Variants in RINT1 observed in about 807,000 individuals in gnomAD.
RINT1 encodes RAD50-interacting protein 1.
RINT1 carries 75 observed loss-of-function variants against 97.7 expected under a neutral mutation model. The ratio of observed to expected loss-of-function variants is 0.77; its 90% confidence interval spans 0.64 to 0.93. The LOEUF (loss-of-function observed/expected upper bound fraction) is 0.93, where lower values mean the gene tolerates loss of function less well. Among genes scored for constraint, RINT1 ranks in the 40% least tolerant of loss-of-function variants. RINT1 has a pLI of 0.00. For synonymous variants in RINT1, 303 were observed against 326.3 expected (o/e 0.93, Z 0.77); for missense variants, 892 against 925.2 (o/e 0.96, Z 0.47).
intron 11 of RINT1, among the ~76,000 whole-genome samples, chr7:105,556,916 T>G (rs559839008): frequency 1.3e-5 from 2 of 152,188 alleles, no homozygotes; most frequent in African/African-American, 4.8e-5. Flanking sequence ...GTTTTAGATA[T>G]TAACATAATC....
chr7:105,549,679 A>T (rs1236419887), intron 7 of RINT1, among the ~76,000 whole-genome samples: 1 of 152,156 alleles, frequency 6.6e-6, no homozygotes, highest in Non-Finnish European at 1.5e-5. Context: ...ACTTTTTGAA[A>T]ATAAAAACCA....
At chr7:105,549,913 G>A (rs1284035643) in intron 7 of RINT1, 142 bp from the exon 8 acceptor site, 3 of 555,252 alleles carry the variant, frequency 5.4e-6, no homozygotes, top group Non-Finnish European at 9.5e-6. Flanking sequence ...TTAAAATTTG[G>A]AGTAGAAATT....
At chr7:105,545,316 G>C (rs1385066633) in intron 4 of RINT1, among the ~76,000 whole-genome samples, 1 of 151,396 alleles carries the variant, frequency 6.6e-6, no homozygotes, top group Non-Finnish European at 1.5e-5. Flanking sequence ...GCCAGGCTTG[G>C]TGGTGAGCAC....
chr7:105,532,360 G>A lies in RINT1; in HGVS notation c.42+3G>A. 1 of 1,601,594 alleles carries A rather than the reference G, an allele frequency of 6.2e-7. No individual in the cohort carries two copies. The highest frequency in any genetic ancestry group is 1.3e-5 in the African/African-American group (1 of 74,882). ...TCGGCGCCTCTCCTGCAGCCCCGGTGAGACGGCCCTGGCGTCCCTGGGAGG... is the reference window on the plus strand; with the variant it reads ...TCGGCGCCTCTCCTGCAGCCCCGGTAAGACGGCCCTGGCGTCCCTGGGAGG... On this transcript the variant is annotated splice_donor_region_variant and intron_variant, in intron 1 of 14. Transcript: ENST00000257700.
chr7:105,544,101 A>C (rs1343239341), intron 4 of RINT1, among the ~76,000 whole-genome samples: 1 of 140,998 alleles, frequency 7.1e-6, no homozygotes, highest in Admixed American at 7.2e-5. Context: ...ACTCCGTCTC[A>C]AAAAAAAAAC....
intron 3 of RINT1, among the ~76,000 whole-genome samples, chr7:105,540,349 G>A (rs1019513826): frequency 3.3e-5 from 5 of 151,944 alleles, no homozygotes; most frequent in South Asian, 2.1e-4. Context: ...TGTAACCTCC[G>A]CCTCCTGGTT....
chr7:105,564,896 G>C (rs866056488), intron 12 of RINT1, among the ~76,000 whole-genome samples: 34 of 151,998 alleles, frequency 2.2e-4, no homozygotes, highest in African/African-American at 7.7e-4. Context: ...CAGCTACTTG[G>C]GAGGCTGACA....
At chr7:105,537,376 T>G (rs62486989) in intron 3 of RINT1, among the ~76,000 whole-genome samples, 11,975 of 151,742 alleles carry the variant, frequency 0.079, 509 homozygotes, top group East Asian at 0.12. Flanking sequence ...GTGATCCACC[T>G]GCCTTGGCCT....
intron 11 of RINT1, 123 bp from the exon 12 acceptor site, chr7:105,563,610 G>A: frequency 1.3e-6 from 1 of 771,460 alleles, no homozygotes; most frequent in Non-Finnish European, 2.1e-6. Flanking sequence ...GGGATTACAG[G>A]CATGAGCCAC....
chr7:105,540,574 T>A (rs1310712584), intron 3 of RINT1, among the ~76,000 whole-genome samples: 1 of 152,108 alleles, frequency 6.6e-6, no homozygotes, highest in African/African-American at 2.4e-5. Context: ...ATTTTTGTAT[T>A]TTTAGTAGAG....
At position 105,565,372 on chromosome 7, in the gene RINT1, A is replaced by G. The variant is rs1791666979; in HGVS notation, c.1982A>G (p.Gln661Arg). ...CTGACGTTACGAGACCATTTACTTC[A>G]GTTGGAGCAGCAGCTTTGTTTCTCC... is the stretch of plus-strand genomic sequence containing the variant. ...LLLTLRDHLL[Q>R]LEQQLCFSLF... is the part of the protein sequence containing the mutation. Residue 661 changes from glutamine to arginine, a missense_variant, in exon 13 of 15, where the codon CAG becomes CGG. Transcript: ENST00000257700. 2 of 1,614,188 alleles carry G rather than the reference A, an allele frequency of 1.2e-6. No individual in the cohort carries two copies. The highest frequency in any genetic ancestry group is 1.7e-6 in the Non-Finnish European group (2 of 1,180,030).
At chr7:105,540,187 C>G (rs978329887) in intron 3 of RINT1, among the ~76,000 whole-genome samples, 8 of 150,354 alleles carry the variant, frequency 5.3e-5, no homozygotes, top group Non-Finnish European at 1.2e-4. Context: ...TCAAGTGATT[C>G]TCCTGCCTCA....
intron 7 of RINT1, 58 bp downstream of exon 7, chr7:105,548,768 A>G (rs549467071): frequency 7.2e-5 from 107 of 1,478,728 alleles, no homozygotes; most frequent in East Asian, 2.3e-4. Context: ...TAGAGTTTCT[A>G]TACCTTTGCT....
chr7:105,536,495 A>T (rs770261504), intron 2 of RINT1, 70 bp from the exon 3 acceptor site: 94 of 1,158,748 alleles, frequency 8.1e-5, no homozygotes, highest in Non-Finnish European at 1.1e-4. Flanking sequence ...AACTGCTTTT[A>T]TATGTTTTAT....
rs1562850235 is a variant in RINT1 at position 105,550,400 on chromosome 7, A to T, written c.1247A>T (p.His416Leu). The T allele has an allele frequency of 5.0e-6, 8 of 1,614,166 alleles. No individual in the cohort carries two copies. Among genetic ancestry groups the T allele is most frequent in the Non-Finnish European group, 6.8e-6 (8 of 1,180,014 alleles). Reference protein sequence around the residue: ...LLFERELHSVHGYPGTFASCM... With the variant: ...LLFERELHSVLGYPGTFASCM... ...TTTGAAAGGGAGCTACACAGTGTTC[A>T]TGGCTATCCTGGCACTTTTGCTAGT... The change falls in exon 9 of 15, where the codon CAT becomes CTT. Residue 416 changes from histidine to leucine, a missense_variant. Physicochemically the swap from His to Leu is moderately conservative, Grantham distance 99 (BLOSUM62 -3). Transcript: ENST00000257700.
Position 105,546,644 on chromosome 7 carries a change from C to T in RINT1, c.516-266C>T, listed in dbSNP as rs181242889. 2.3e-3 allele frequency among the ~76,000 whole-genome samples: 349 copies of T among 152,284 alleles called. 3 individuals are homozygous for T. Among genetic ancestry groups the T allele is most frequent in the African/African-American group, 8.1e-3 (337 of 41,566 alleles). ...ATCCCAGCACTTTGGGAGGCCGAGG[C>T]GGTCGGATCACTTGAGGTCAGGAGT... On this transcript the variant is annotated intron_variant, in intron 4 of 14. Coordinates refer to ENST00000257700, the MANE Select transcript of RINT1 (RefSeq NM_021930.6).
At chr7:105,535,686 C>T in intron 2 of RINT1, 1 of 402,798 alleles carries the variant, frequency 2.5e-6, no homozygotes, top group South Asian at 1.8e-5. Context: ...CCACCTGAGA[C>T]TACAGGTGTG....
At chr7:105,562,973 TAGAC>T (rs1791506069) in intron 11 of RINT1, among the ~76,000 whole-genome samples, 1 of 152,200 alleles carries the variant, frequency 6.6e-6, no homozygotes, top group South Asian at 2.1e-4. Context: ...TTGTTCATAA[TAGAC>T]AAAGTAGAAG....
At chr7:105,551,455 T>C in intron 9 of RINT1, 115 bp from the exon 10 acceptor site, 1 of 848,348 alleles carries the variant, frequency 1.2e-6, no homozygotes, top group Non-Finnish European at 1.8e-6. Context: ...CAGTGGGATA[T>C]TGTAGGTTTG....
Sources: allele counts gnomAD v4.1 joint callset (sites outside exome capture counted in the v4.1 genomes callset), GRCh38; gene constraint gnomAD v4.1.1; transcripts MANE v1.5; gene names NCBI Gene and HGNC (gene_info 2026-07-23, HGNC 2026-07-21).